THSD4: variants seen among roughly 807,000 people sequenced by gnomAD.
THSD4 encodes thrombospondin type 1 domain containing 4.
Under a neutral mutation model 119.0 loss-of-function variants are expected in THSD4, and 69 were observed. That is an observed-to-expected ratio of 0.58 (90% CI 0.48 to 0.71). The LOEUF is 0.71. Ranked by LOEUF, THSD4 falls within the 30% of genes least tolerant of loss-of-function variation. The pLI, the probability that THSD4 is intolerant of heterozygous loss-of-function variation, is 0.00. For synonymous variants in THSD4, 524 were observed against 540.4 expected (o/e 0.97, Z 0.42); for missense variants, 1,393 against 1,391.1 (o/e 1.00, Z -0.02).
intron 7 of THSD4, among the ~76,000 whole-genome samples, chr15:71,636,224 C>A (rs2050736697): frequency 6.6e-6 from 1 of 152,074 alleles, no homozygotes; most frequent in South Asian, 2.1e-4. Flanking sequence ...GCGTTGGAGA[C>A]CAGTCTGACC....
At chr15:71,535,145 TC>T (rs1238350157) in intron 7 of THSD4, among the ~76,000 whole-genome samples, 1 of 152,180 alleles carries the variant, frequency 6.6e-6, no homozygotes, top group Non-Finnish European at 1.5e-5. Flanking sequence ...CCGCTCACCC[TC>T]CTCGGGCCTG....
At chr15:71,367,242 T>A (rs1425448323) in intron 6 of THSD4, among the ~76,000 whole-genome samples, 1 of 151,684 alleles carries the variant, frequency 6.6e-6, no homozygotes, top group Non-Finnish European at 1.5e-5. Flanking sequence ...TTTAAAAAAA[T>A]ATTTTATTGT....
chr15:71,466,285 C>T (rs2047498956), intron 7 of THSD4, among the ~76,000 whole-genome samples: 1 of 150,678 alleles, frequency 6.6e-6, no homozygotes, highest in Admixed American at 6.6e-5. Context: ...GCAGAGCTTG[C>T]AGTGAGCTGA....
At chr15:71,532,045 C>T (rs2048616737) in intron 7 of THSD4, among the ~76,000 whole-genome samples, 1 of 151,384 alleles carries the variant, frequency 6.6e-6, no homozygotes, top group Non-Finnish European at 1.5e-5. Context: ...TTCTGTAAGT[C>T]CTGCAGCCTA....
At chr15:71,108,271 T>G (rs1311985971) in intron 1 of THSD4, among the ~76,000 whole-genome samples, 1 of 152,206 alleles carries the variant, frequency 6.6e-6, no homozygotes, top group Non-Finnish European at 1.5e-5. Context: ...GAAGATGAAT[T>G]CTGGCAAGAG....
At chr15:71,437,247 A>G (rs185120073) in intron 7 of THSD4, among the ~76,000 whole-genome samples, 1 of 152,370 alleles carries the variant, frequency 6.6e-6, no homozygotes, top group African/African-American at 2.4e-5. Context: ...TAAGCCATTC[A>G]TGAGCGATCC....
intron 7 of THSD4, among the ~76,000 whole-genome samples, chr15:71,480,258 G>A (rs944484776): frequency 6.6e-6 from 1 of 152,022 alleles, no homozygotes; most frequent in East Asian, 1.9e-4. Context: ...CGTTGGTCTC[G>A]AACTCCTGAG....
At chr15:71,236,468 A>C (rs1224942767) in intron 4 of THSD4, among the ~76,000 whole-genome samples, 1 of 152,226 alleles carries the variant, frequency 6.6e-6, no homozygotes, top group Non-Finnish European at 1.5e-5. Context: ...ATGCTCTCAC[A>C]CAATAGATGA....
At chr15:71,195,290 A>G (rs1423901225) in intron 3 of THSD4, among the ~76,000 whole-genome samples, 1 of 152,356 alleles carries the variant, frequency 6.6e-6, no homozygotes, top group African/African-American at 2.4e-5. Context: ...GGGCAACTCT[A>G]GCATATATAA....
intron 1 of THSD4, among the ~76,000 whole-genome samples, chr15:71,098,501 C>T (rs969919162): frequency 1.3e-5 from 2 of 152,026 alleles, no homozygotes; most frequent in Admixed American, 1.3e-4. Flanking sequence ...TGGGCTCAAG[C>T]GATTGGCCTG....
chr15:71,740,187 T>C (rs539454218), intron 11 of THSD4, among the ~76,000 whole-genome samples: 1 of 152,298 alleles, frequency 6.6e-6, no homozygotes, highest in South Asian at 2.1e-4. Context: ...TTATATACTT[T>C]GTGAGGAAAA....
intron 7 of THSD4, among the ~76,000 whole-genome samples, chr15:71,635,085 A>G (rs1229580487): frequency 6.6e-6 from 1 of 152,190 alleles, no homozygotes; most frequent in Non-Finnish European, 1.5e-5. Context: ...CTCAGCAAAT[A>G]TGCATCGGTC....
chr15:71,597,546 CTT>C (rs1239592346), intron 7 of THSD4, among the ~76,000 whole-genome samples: 1 of 152,164 alleles, frequency 6.6e-6, no homozygotes, highest in Non-Finnish European at 1.5e-5. Context: ...GATCATTAGA[CTT>C]TTAAAGAAAT....
intron 6 of THSD4, among the ~76,000 whole-genome samples, chr15:71,261,248 T>C (rs2415110): frequency 0.35 from 52,946 of 151,768 alleles, 9,735 homozygotes; most frequent in Middle Eastern, 0.45. Flanking sequence ...AGACAGCCCA[T>C]GTGAAGGCAG....
chr15:71,696,870 C>T (rs997912732), intron 8 of THSD4, among the ~76,000 whole-genome samples: 63 of 152,212 alleles, frequency 4.1e-4, no homozygotes, highest in African/African-American at 1.5e-3. Context: ...GTATAGAGGC[C>T]TATAGGTGAT....
intron 6 of THSD4, among the ~76,000 whole-genome samples, chr15:71,290,214 C>T (rs1043564853): frequency 3.9e-5 from 6 of 152,154 alleles, no homozygotes; most frequent in African/African-American, 9.7e-5. Flanking sequence ...TAGCCTTAGG[C>T]CTGGTGCTGG....
chr15:71,473,551 A>C (rs1004807248), intron 7 of THSD4, among the ~76,000 whole-genome samples: 1 of 152,200 alleles, frequency 6.6e-6, no homozygotes, highest in African/African-American at 2.4e-5. Flanking sequence ...TAACAGCCTG[A>C]ACACTAATGC....
At chr15:71,338,375 C>T (rs574382947) in intron 6 of THSD4, among the ~76,000 whole-genome samples, 14 of 151,564 alleles carry the variant, frequency 9.2e-5, no homozygotes, top group Middle Eastern at 3.4e-3. Flanking sequence ...CTCTTTGGAC[C>T]GGAGTCTGAA....
At chr15:71,460,803 A>G (rs12912393) in intron 7 of THSD4, among the ~76,000 whole-genome samples, 33,242 of 152,072 alleles carry the variant, frequency 0.22, 4,494 homozygotes, top group East Asian at 0.3. Context: ...CATTCATTGC[A>G]GTCCTGGAAA....
Sources: gnomAD v4.1 joint callset for allele counts (sites outside exome capture counted in the v4.1 genomes callset) on GRCh38, gnomAD v4.1.1 for gene constraint, MANE v1.5 for transcripts, NCBI Gene and HGNC (gene_info 2026-07-23, HGNC 2026-07-21) for gene names.